Variants in SAMMSON observed in about 807,000 individuals in gnomAD.
The protein encoded by SAMMSON is survival associated mitochondrial melanoma specific oncogenic non-coding RNA.
chr3:70,027,991 G>A (rs953307283), intron 3 of SAMMSON, among the ~76,000 whole-genome samples: 2 of 152,114 alleles, frequency 1.3e-5, no homozygotes, highest in African/African-American at 4.8e-5. Context: ...CAGTATTAGG[G>A]CAAATGTGAA....
At chr3:70,181,796 G>A (rs1256506330) in intron 4 of SAMMSON, among the ~76,000 whole-genome samples, 1 of 152,020 alleles carries the variant, frequency 6.6e-6, no homozygotes, top group Non-Finnish European at 1.5e-5. Context: ...AAACATTTTG[G>A]GTGTTCTTCC....
intron 3 of SAMMSON, among the ~76,000 whole-genome samples, chr3:70,048,928 C>A (rs563407552): frequency 6.6e-6 from 1 of 151,996 alleles, no homozygotes; most frequent in Non-Finnish European, 1.5e-5. Context: ...CTTTGGAAGG[C>A]GGCAGGATTT....
intron 6 of SAMMSON, among the ~76,000 whole-genome samples, chr3:70,286,651 G>T (rs1332225933): frequency 1.3e-5 from 2 of 152,040 alleles, no homozygotes; most frequent in Non-Finnish European, 2.9e-5. Context: ...ACCTTGGGCA[G>T]TGTGGCCATT....
intron 3 of SAMMSON, among the ~76,000 whole-genome samples, chr3:70,049,228 G>C (rs1282741103): frequency 6.6e-6 from 1 of 152,062 alleles, no homozygotes; most frequent in Non-Finnish European, 1.5e-5. Context: ...GGAGTTTGCT[G>C]CCTGTCTTAA....
intron 7 of SAMMSON, among the ~76,000 whole-genome samples, chr3:70,300,041 A>G (rs1702332605): frequency 6.6e-6 from 1 of 152,060 alleles, no homozygotes; most frequent in Non-Finnish European, 1.5e-5. Flanking sequence ...GTTACTGCCT[A>G]TTGAAACACT....
At chr3:70,431,274 G>A (rs1322966692) in intron 2 of SAMMSON, among the ~76,000 whole-genome samples, 2 of 151,976 alleles carry the variant, frequency 1.3e-5, no homozygotes, top group African/African-American at 4.8e-5. Flanking sequence ...AATAATAGTG[G>A]TAAAAATATA....
chr3:70,383,757 CTG>C (rs1336500953), intron 9 of SAMMSON, among the ~76,000 whole-genome samples: 7 of 151,932 alleles, frequency 4.6e-5, no homozygotes, highest in African/African-American at 1.7e-4. Context: ...CTTAGGCTAA[CTG>C]TAGATGAAAA....
chr3:70,193,510 G>A (rs1468814218), intron 4 of SAMMSON, among the ~76,000 whole-genome samples: 1 of 151,998 alleles, frequency 6.6e-6, no homozygotes, highest in Non-Finnish European at 1.5e-5. Flanking sequence ...ATGTTACCCA[G>A]GCTACCAAGT....
chr3:70,031,440 T>C (rs1027646978), intron 3 of SAMMSON, among the ~76,000 whole-genome samples: 1 of 152,126 alleles, frequency 6.6e-6, no homozygotes, highest in Admixed American at 6.6e-5. Context: ...TTTGGGTTGG[T>C]GAAAAATTTC....
At chr3:70,408,652 G>A (rs983356665) in intron 2 of SAMMSON, among the ~76,000 whole-genome samples, 1 of 152,044 alleles carries the variant, frequency 6.6e-6, no homozygotes, top group Non-Finnish European at 1.5e-5. Flanking sequence ...TCAGGGTTTT[G>A]GTCAAAGCCA....
intron 4 of SAMMSON, among the ~76,000 whole-genome samples, chr3:70,144,136 A>G (rs1277093274): frequency 2.6e-5 from 4 of 152,114 alleles, no homozygotes; most frequent in African/African-American, 9.7e-5. Context: ...GACCTTTTGT[A>G]AAGACATCCC....
intron 4 of SAMMSON, among the ~76,000 whole-genome samples, chr3:70,094,072 AT>A (rs1406880153): frequency 2.0e-5 from 3 of 152,188 alleles, no homozygotes; most frequent in Admixed American, 6.5e-5. Context: ...TCAGCCTGAA[AT>A]TGGTGCAAAT....
intron 6 of SAMMSON, among the ~76,000 whole-genome samples, chr3:70,265,837 C>T (rs998909165): frequency 6.6e-6 from 1 of 152,094 alleles, no homozygotes; most frequent in Non-Finnish European, 1.5e-5. Flanking sequence ...GAGTGCCAGC[C>T]GGGGAAATGC....
chr3:70,370,316 T>C (rs1250763610), intron 9 of SAMMSON, among the ~76,000 whole-genome samples: 1 of 152,038 alleles, frequency 6.6e-6, no homozygotes, highest in Non-Finnish European at 1.5e-5. Flanking sequence ...TCCTTTCCTT[T>C]GGATGAATAC....
intron 3 of SAMMSON, among the ~76,000 whole-genome samples, chr3:70,031,162 C>G (rs1027423582): frequency 1.3e-5 from 2 of 151,882 alleles, no homozygotes; most frequent in Non-Finnish European, 1.5e-5. Flanking sequence ...CAGAAGAATT[C>G]GTAAACAAAA....
At chr3:70,118,843 T>G (rs1364704324) in intron 4 of SAMMSON, among the ~76,000 whole-genome samples, 1 of 152,158 alleles carries the variant, frequency 6.6e-6, no homozygotes, top group African/African-American at 2.4e-5. Flanking sequence ...ATACTACTCT[T>G]AAGTGATATA....
At chr3:70,421,683 C>T (rs17732997) in intron 2 of SAMMSON, among the ~76,000 whole-genome samples, 1 of 151,818 alleles carries the variant, frequency 6.6e-6, no homozygotes, top group Non-Finnish European at 1.5e-5. Flanking sequence ...GAATAAGAAG[C>T]GCTGGTGAAG....
intron 9 of SAMMSON, among the ~76,000 whole-genome samples, chr3:70,388,981 A>C (rs1165415783): frequency 2.6e-5 from 4 of 151,958 alleles, no homozygotes; most frequent in Non-Finnish European, 5.9e-5. Flanking sequence ...GGGAGTTCTC[A>C]CTCTCAAGGG....
At chr3:70,244,894 G>A (rs1701692290) in intron 4 of SAMMSON, among the ~76,000 whole-genome samples, 1 of 152,056 alleles carries the variant, frequency 6.6e-6, no homozygotes, top group Admixed American at 6.6e-5. Context: ...CTTTAAAAAG[G>A]AAATTCATTC....
Sources: allele counts gnomAD v4.1 joint callset (sites outside exome capture counted in the v4.1 genomes callset), GRCh38; gene constraint gnomAD v4.1.1; transcripts MANE v1.5; gene names NCBI Gene and HGNC (gene_info 2026-07-23, HGNC 2026-07-21).